The following ADGRG4 variants were observed in gnomAD, a reference collection of about 807,000 sequenced individuals.
ADGRG4 encodes the protein adhesion G protein-coupled receptor G4, also known as G protein-coupled receptor 112.
ADGRG4 carries 122 observed loss-of-function variants against 126.2 expected under a neutral mutation model. The ratio of observed to expected loss-of-function variants is 0.97; its 90% CI spans 0.83 to 1.12. The LOEUF is 1.12. ADGRG4 is among the 50% of genes most tolerant of loss of function. The probability of loss-of-function intolerance (pLI) is 0.00; values close to 1 mark genes in which losing one functional copy is unlikely to be tolerated. For synonymous variants in ADGRG4, 943 were observed against 838.7 expected, an observed-to-expected ratio of 1.12 and a Z score of -2.15; for missense variants, 2,481 against 2,251.8, an observed-to-expected ratio of 1.10 and a Z score of -2.06.
chrX:136,398,736 A>G (rs1009607635), intron 20 of ADGRG4, among the ~76,000 whole-genome samples: 1 of 112,004 alleles, frequency 8.9e-6, no homozygotes, highest in Non-Finnish European at 1.9e-5. Context: ...GTTAAATATA[A>G]ATATACATCT....
intron 21 of ADGRG4, among the ~76,000 whole-genome samples, chrX:136,402,402 C>T (rs1380709125): frequency 9.0e-6 from 1 of 111,140 alleles, no homozygotes; most frequent in Non-Finnish European, 1.9e-5. Flanking sequence ...AAAACATCTG[C>T]AGCATTCTAG....
chrX:136,411,938 A>G (rs936409808), intron 23 of ADGRG4, among the ~76,000 whole-genome samples: 1 of 112,658 alleles, frequency 8.9e-6, no homozygotes, highest in African/African-American at 3.2e-5. Flanking sequence ...GCTATATTCT[A>G]TTGGTACAAT....
intron 5 of ADGRG4, among the ~76,000 whole-genome samples, 185 bp downstream of exon 5, chrX:136,323,577 A>AACACACACACACACAC (rs138686053): frequency 6.7e-4 from 63 of 94,013 alleles, no homozygotes; most frequent in African/African-American, 2.4e-3. Context: ...AGGATAGAAG[A>AACACACACACACACAC]ACACACACAC....
At chrX:136,361,645 G>A (rs2075129823) in intron 12 of ADGRG4, 58 bp downstream of exon 12, 1 of 924,904 alleles carries the variant, frequency 1.1e-6, no homozygotes, top group South Asian at 3.4e-5. Flanking sequence ...TACCTAATTG[G>A]GGACATGTTT....
intron 19 of ADGRG4, among the ~76,000 whole-genome samples, chrX:136,397,491 C>CTTTTTTTTTTTTTTTTTTT (rs1184936316): frequency 4.0e-5 from 2 of 50,568 alleles, no homozygotes; most frequent in African/African-American, 7.4e-5. Flanking sequence ...AGGAAAAGGA[C>CTTTTTTTTTTTTTTTTTTT]TTTTTTTTTT....
At chrX:136,414,427 C>A in intron 25 of ADGRG4, 100 bp downstream of exon 25, 1 of 683,068 alleles carries the variant, frequency 1.5e-6, no homozygotes, top group Non-Finnish European at 2.2e-6. Context: ...CTCTTCAAAA[C>A]TAAATGCACA....
At chrX:136,374,200 T>C (rs1316439632) in intron 15 of ADGRG4, among the ~76,000 whole-genome samples, 4 of 110,625 alleles carry the variant, frequency 3.6e-5, no homozygotes, top group Non-Finnish European at 7.6e-5. Flanking sequence ...TTCAGTAGTT[T>C]GTTCCTCCTT....
chrX:136,353,953 C>T (rs1219300731), intron 8 of ADGRG4, among the ~76,000 whole-genome samples: 2 of 111,359 alleles, frequency 1.8e-5, no homozygotes, highest in African/African-American at 6.5e-5. Context: ...AGAAGTATTT[C>T]CTGTATTCTT....
Position 136,338,391 on chromosome X carries a change from C to T in ADGRG4, c.686-6001C>T, listed in dbSNP as rs141789762. 9.5e-3 allele frequency among the ~76,000 whole-genome samples: 1,052 copies of T among 110,661 alleles called. 11 individuals are homozygous for T. The highest frequency in any genetic ancestry group is 0.032 in the African/African-American group (984 of 30,395). ...CTCAAACTCCTGGATTCAGATGATC[C>T]GTCTTCCTTTCCTCCCAAAGTGCTG... On this transcript the variant is annotated intron_variant, in intron 5 of 25. Coordinates refer to ENST00000394143, the MANE Select transcript of ADGRG4 (RefSeq NM_153834.4).
intron 5 of ADGRG4, among the ~76,000 whole-genome samples, chrX:136,339,004 G>T (rs746405329): frequency 9.1e-6 from 1 of 109,840 alleles, no homozygotes; most frequent in Admixed American, 9.6e-5. Flanking sequence ...GGTGCTTCTT[G>T]GGTGGGGAGC....
intron 3 of ADGRG4, among the ~76,000 whole-genome samples, chrX:136,306,663 C>T (rs1434349064): frequency 9.1e-6 from 1 of 110,401 alleles, no homozygotes; most frequent in Admixed American, 9.8e-5. Flanking sequence ...ATGCCCCATC[C>T]CCTTTCCTCA....
chrX:136,335,368 T>G (rs1231230333), intron 5 of ADGRG4, among the ~76,000 whole-genome samples: 1 of 109,798 alleles, frequency 9.1e-6, no homozygotes, highest in African/African-American at 3.3e-5. Context: ...CTGTCTCTGA[T>G]TTCAGTATCA....
At chrX:136,341,139 A>G (rs765892583) in intron 5 of ADGRG4, among the ~76,000 whole-genome samples, 2 of 111,879 alleles carry the variant, frequency 1.8e-5, no homozygotes, top group African/African-American at 3.2e-5. Context: ...AGTGTTAATA[A>G]CAATTGCTAC....
chrX:136,311,037 G>A (rs543331860), intron 4 of ADGRG4, among the ~76,000 whole-genome samples: 1 of 110,730 alleles, frequency 9.0e-6, no homozygotes, highest in African/African-American at 3.3e-5. Flanking sequence ...CTTGGTGAGG[G>A]CCCTCTTCCT....
intron 5 of ADGRG4, among the ~76,000 whole-genome samples, chrX:136,343,426 G>T (rs1254601910): frequency 9.0e-6 from 1 of 111,243 alleles, no homozygotes; most frequent in Non-Finnish European, 1.9e-5. Context: ...CTGGTCAAGA[G>T]ATATAACTTT....
intron 1 of ADGRG4, among the ~76,000 whole-genome samples, chrX:136,302,001 G>T (rs754643342): frequency 1.9e-4 from 21 of 112,126 alleles, no homozygotes; most frequent in South Asian, 3.7e-4. Context: ...AGTATAGTTT[G>T]AAGTCAGGTA....
intron 4 of ADGRG4, among the ~76,000 whole-genome samples, chrX:136,318,209 T>C (rs754121695): frequency 1.8e-5 from 2 of 111,917 alleles, no homozygotes; most frequent in Non-Finnish European, 3.8e-5. Flanking sequence ...TATTAAGCCA[T>C]GGAAAAGGAT....
chrX:136,316,273 G>A (rs749623122), intron 4 of ADGRG4, among the ~76,000 whole-genome samples: 15 of 110,811 alleles, frequency 1.4e-4, no homozygotes, highest in African/African-American at 3.9e-4. Context: ...CCCAAACTTT[G>A]AAACACTTGA....
chrX:136,323,508 C>A (rs917457350), intron 5 of ADGRG4, 116 bp downstream of exon 5: 3 of 588,490 alleles, frequency 5.1e-6, no homozygotes, highest in Non-Finnish European at 2.7e-6. Context: ...GGAGCACATA[C>A]TGTTTTCTTT....
Sources: gnomAD v4.1 joint callset for allele counts (sites outside exome capture counted in the v4.1 genomes callset) on GRCh38, gnomAD v4.1.1 for gene constraint, MANE v1.5 for transcripts, NCBI Gene and HGNC (gene_info 2026-07-23, HGNC 2026-07-21) for gene names.